The following TMPRSS12 variants were observed in gnomAD, a reference collection of about 807,000 sequenced individuals.
The protein encoded by TMPRSS12 is transmembrane serine protease 12.
A neutral mutation model predicts 26.0 loss-of-function variants in TMPRSS12; 25 were observed. The observed-to-expected ratio is 0.96, with a 90% confidence interval of 0.70 to 1.34. The LOEUF is 1.34. Among genes scored for constraint, TMPRSS12 ranks in the 40% most tolerant of loss-of-function variants. The pLI is 0.00. For missense variants in TMPRSS12, 441 were observed against 440.1 expected (o/e 1.00, Z -0.02); for synonymous variants, 150 against 161.7 (o/e 0.93, Z 0.55).
At chr12:50,851,554 G>T (rs915107423) in intron 2 of TMPRSS12, among the ~76,000 whole-genome samples, 1 of 152,124 alleles carries the variant, frequency 6.6e-6, no homozygotes, top group Non-Finnish European at 1.5e-5. Flanking sequence ...TATGTAAAGA[G>T]ACCAAACCTA....
At chr12:50,884,802 G>A (rs1938206976) in intron 3 of TMPRSS12, among the ~76,000 whole-genome samples, 1 of 151,808 alleles carries the variant, frequency 6.6e-6, no homozygotes, top group Non-Finnish European at 1.5e-5. Flanking sequence ...AACCTGGGAG[G>A]CAGAGGTTGT....
At chr12:50,844,141 T>G in intron 2 of TMPRSS12, 104 bp downstream of exon 2, 3 of 923,536 alleles carry the variant, frequency 3.2e-6, no homozygotes, top group Non-Finnish European at 3.2e-6. Context: ...TGTTTGCAAA[T>G]AGCCATAATG....
chr12:50,881,982 A>T (rs1938172591), intron 3 of TMPRSS12, among the ~76,000 whole-genome samples: 2 of 44,410 alleles, frequency 4.5e-5, no homozygotes, highest in Non-Finnish European at 7.3e-5. Context: ...AAAAAAAAAA[A>T]AAAAAAAAAA....
chr12:50,854,772 C>T (rs1033889592), intron 2 of TMPRSS12, among the ~76,000 whole-genome samples: 3 of 152,084 alleles, frequency 2.0e-5, no homozygotes. Context: ...TGAAAGCTCT[C>T]TACAAAAAGA....
intron 2 of TMPRSS12, among the ~76,000 whole-genome samples, chr12:50,858,204 CA>C (rs1268677998): frequency 1.3e-5 from 2 of 152,020 alleles, no homozygotes; most frequent in Non-Finnish European, 2.9e-5. Context: ...CAGTAAGTTT[CA>C]AAAAAATTAT....
At chr12:50,857,796 T>TGTTGTTGTC (rs1387663021) in intron 2 of TMPRSS12, among the ~76,000 whole-genome samples, 23 of 150,066 alleles carry the variant, frequency 1.5e-4, no homozygotes, top group African/African-American at 3.3e-4. Context: ...TTTTTGTTGT[T>TGTTGTTGTC]GTTGTTGTTG....
chr12:50,845,190 G>T (rs1164840330), intron 2 of TMPRSS12, among the ~76,000 whole-genome samples: 1 of 152,166 alleles, frequency 6.6e-6, no homozygotes, highest in African/African-American at 2.4e-5. Flanking sequence ...GTGGCCAAAT[G>T]CTGTTAAAGA....
chr12:50,876,672 C>T (rs1181749864), intron 3 of TMPRSS12, among the ~76,000 whole-genome samples: 6 of 151,914 alleles, frequency 3.9e-5, no homozygotes, highest in African/African-American at 1.5e-4. Context: ...GGTGTGGTGG[C>T]GGGCGCCTGT....
chr12:50,862,612 G>A (rs1937947946), intron 3 of TMPRSS12, among the ~76,000 whole-genome samples: 1 of 151,806 alleles, frequency 6.6e-6, no homozygotes, highest in Non-Finnish European at 1.5e-5. Flanking sequence ...TGCATCTTCC[G>A]CCTCCTGGAT....
chr12:50,876,070 A>G (rs367547236), intron 3 of TMPRSS12, among the ~76,000 whole-genome samples: 1 of 152,236 alleles, frequency 6.6e-6, no homozygotes, highest in African/African-American at 2.4e-5. Flanking sequence ...AAAACCAATT[A>G]ACCCCATTAA....
chr12:50,887,299 A>C lies in TMPRSS12; in HGVS notation c.833A>C (p.Glu278Ala), dbSNP rs1217127783. ...GGACCATTAATGTGCTACTTACCAG[A>C]ATATAAAAGATTTTTTGTAATGGGA... ...SGGPLMCYLP[E>A]YKRFFVMGIT... Residue 278 changes from glutamate (E) to alanine (A), a missense_variant, in exon 5 of 5, where the codon GAA (glutamate) becomes GCA (alanine). Glu to Ala is a moderately radical substitution (Grantham distance 107, BLOSUM62 -1). Transcript: ENST00000398458. The C allele has an allele frequency of 6.2e-7, 1 of 1,613,898 alleles. No homozygotes were observed. Among genetic ancestry groups the C allele is most frequent in the South Asian group, 1.1e-5 (1 of 91,082 alleles).
chr12:50,849,116 C>T (rs1199884421), intron 2 of TMPRSS12, among the ~76,000 whole-genome samples: 1 of 152,184 alleles, frequency 6.6e-6, no homozygotes, highest in African/African-American at 2.4e-5. Flanking sequence ...CTACCTCGGC[C>T]TTCCAAAGGG....
chr12:50,872,796 A>G (rs1488179068), intron 3 of TMPRSS12, among the ~76,000 whole-genome samples: 2 of 112,868 alleles, frequency 1.8e-5, no homozygotes, highest in Admixed American at 9.2e-5. Context: ...TATATGACGT[A>G]TATATGTACA....
At chr12:50,844,471 T>C (rs1281296027) in intron 2 of TMPRSS12, among the ~76,000 whole-genome samples, 9 of 152,048 alleles carry the variant, frequency 5.9e-5, no homozygotes, top group Admixed American at 3.3e-4. Context: ...CCTCCTGGGT[T>C]CATGCGATTC....
intron 2 of TMPRSS12, among the ~76,000 whole-genome samples, chr12:50,854,145 T>A (rs1937854074): frequency 6.6e-6 from 1 of 152,108 alleles, no homozygotes; most frequent in Non-Finnish European, 1.5e-5. Flanking sequence ...TAGGCTTTAT[T>A]CCTGGGATGC....
chr12:50,857,539 C>T (rs1371462830), intron 2 of TMPRSS12, among the ~76,000 whole-genome samples: 1 of 152,172 alleles, frequency 6.6e-6, no homozygotes, highest in Non-Finnish European at 1.5e-5. Flanking sequence ...CTGTAAGCAA[C>T]AGTGTATAAA....
Position 50,858,771 on chromosome 12 carries a change from T to G in TMPRSS12, c.384-14T>G. On this transcript the variant is annotated splice_polypyrimidine_tract_variant and intron_variant, in intron 2 of 4. Transcript: ENST00000398458. ...TTAAAGATATTTATAATAAGAATGT[T>G]TACTTTCTTTCAGCGATCCTTTAAT... 6.7e-7 allele frequency: 1 copy of G among 1,503,604 alleles called. No individual in the cohort carries two copies. The highest frequency in any genetic ancestry group is 1.4e-5 in the African/African-American group (1 of 71,216). 93.1% of individuals were successfully genotyped at this position (1,503,604 alleles called of 1,614,324 possible).
intron 3 of TMPRSS12, among the ~76,000 whole-genome samples, chr12:50,872,688 ACATATATATGACGTATATG>A (rs1938065024): frequency 4.3e-5 from 5 of 117,536 alleles, no homozygotes; most frequent in Admixed American, 2.6e-4. Flanking sequence ...ACGTATATGC[ACATATATATGACGTATATG>A]TGTACATATA....
intron 3 of TMPRSS12, among the ~76,000 whole-genome samples, chr12:50,863,471 T>G (rs1158029836): frequency 6.6e-6 from 1 of 152,178 alleles, no homozygotes; most frequent in Admixed American, 6.5e-5. Flanking sequence ...AAAAACTATT[T>G]ACAGATGTTC....
Sources: gnomAD v4.1 joint callset for allele counts (sites outside exome capture counted in the v4.1 genomes callset) on GRCh38, gnomAD v4.1.1 for gene constraint, MANE v1.5 for transcripts, NCBI Gene and HGNC (gene_info 2026-07-23, HGNC 2026-07-21) for gene names.